The following GRIA1 variants were observed in gnomAD, a reference collection of about 807,000 sequenced individuals.
The protein encoded by GRIA1 is glutamate receptor 1.
Under a neutral mutation model 99.2 loss-of-function variants are expected in GRIA1, and 31 were observed. The ratio of observed to expected loss-of-function variants is 0.31; its 90% CI spans 0.23 to 0.42. The LOEUF (loss-of-function observed/expected upper bound fraction) is 0.42, where lower values mean the gene tolerates loss of function less well. Among genes scored for constraint, GRIA1 ranks in the 10% least tolerant of loss-of-function variants. The probability of loss-of-function intolerance (pLI) is 1.00; values close to 1 mark genes in which losing one functional copy is unlikely to be tolerated. For missense variants in GRIA1, 782 were observed against 1,157.5 expected (o/e 0.68, Z 4.71); for synonymous variants, 438 against 432.4 (o/e 1.01, Z -0.16).
intron 2 of GRIA1, among the ~76,000 whole-genome samples, chr5:153,536,865 T>C (rs972947805): frequency 1.3e-5 from 2 of 152,324 alleles, no homozygotes; most frequent in East Asian, 3.9e-4. Context: ...AGTGCCTTCG[T>C]TGAGACAGGT....
At chr5:153,701,130 A>G (rs1286753684) in intron 10 of GRIA1, among the ~76,000 whole-genome samples, 2 of 152,108 alleles carry the variant, frequency 1.3e-5, no homozygotes, top group Non-Finnish European at 2.9e-5. Flanking sequence ...ACCTCATGTA[A>G]TGTGGTTTGC....
chr5:153,632,466 A>C (rs1189644040), intron 2 of GRIA1, among the ~76,000 whole-genome samples: 2 of 152,172 alleles, frequency 1.3e-5, no homozygotes, highest in African/African-American at 2.4e-5. Flanking sequence ...TTTGATATTT[A>C]TTGGCTGTGC....
chr5:153,743,401 T>C (rs1172839320), intron 11 of GRIA1, among the ~76,000 whole-genome samples: 1 of 152,240 alleles, frequency 6.6e-6, no homozygotes. Context: ...GGAATCAAGA[T>C]GTCAGCCTGC....
Position 153,789,318 on chromosome 5 carries a change from C to CATATATATATATAT in GRIA1, c.2271-5298_2271-5285dup, listed in dbSNP as rs70978507. ...GATTCTAATACCTCTTTTGATATTA[C>CATATATATATATAT]ATATATATATATATATATCTCCTAC... On this transcript the variant is annotated intron_variant, in intron 13 of 15. Transcript: ENST00000285900. Among the ~76,000 whole-genome samples, 148 of 147,520 alleles carry CATATATATATATAT rather than the reference C, an allele frequency of 1.0e-3. 1 individual carries two copies. Among genetic ancestry groups the CATATATATATATAT allele is most frequent in the African/African-American group, 3.6e-3 (145 of 40,268 alleles).
intron 5 of GRIA1, among the ~76,000 whole-genome samples, chr5:153,662,024 C>A (rs1000051018): frequency 6.6e-6 from 1 of 152,214 alleles, no homozygotes; most frequent in African/African-American, 2.4e-5. Flanking sequence ...CAGGGCACGA[C>A]CTGTGTGCTG....
chr5:153,686,808 G>A (rs2149497689), intron 8 of GRIA1, among the ~76,000 whole-genome samples: 1 of 152,260 alleles, frequency 6.6e-6, no homozygotes, highest in Middle Eastern at 3.4e-3. Flanking sequence ...TGTATAATAT[G>A]TTTGCATATG....
Position 153,553,512 on chromosome 5 carries a change from C to T in GRIA1, c.220+59447C>T, listed in dbSNP as rs564750275. ...TGGGGTTTTATGTGCTGGTGTGCTTCGGGGGTCTTACATTACTTCTCCACT... is the reference window on the plus strand; with the variant it reads ...TGGGGTTTTATGTGCTGGTGTGCTTTGGGGGTCTTACATTACTTCTCCACT... On this transcript the variant is annotated intron_variant, in intron 2 of 15. Coordinates refer to ENST00000285900, the MANE Select transcript of GRIA1 (RefSeq NM_000827.4). Among the ~76,000 whole-genome samples the T allele has an allele frequency of 5.9e-5, 9 of 152,228 alleles. No homozygotes were observed. The South Asian group carries it at 8.3e-4, about 14-fold the overall frequency.
At chr5:153,716,096 A>G (rs1759648717) in intron 11 of GRIA1, among the ~76,000 whole-genome samples, 1 of 152,260 alleles carries the variant, frequency 6.6e-6, no homozygotes, top group Non-Finnish European at 1.5e-5. Context: ...TTTGCTGGAA[A>G]AATAGTAGCA....
chr5:153,674,467 T>C (rs1756421988), intron 5 of GRIA1, 33 bp from the exon 6 acceptor site: 2 of 1,612,400 alleles, frequency 1.2e-6, no homozygotes, highest in Admixed American at 1.7e-5. Context: ...CCAGGCAGCA[T>C]GTTCTAACTT....
intron 11 of GRIA1, among the ~76,000 whole-genome samples, chr5:153,714,010 T>G (rs999190409): frequency 1.3e-5 from 2 of 152,186 alleles, no homozygotes; most frequent in South Asian, 4.2e-4. Flanking sequence ...GTGATTAACA[T>G]GGCCATCCCA....
intron 3 of GRIA1, among the ~76,000 whole-genome samples, chr5:153,647,957 T>A (rs940450583): frequency 1.3e-5 from 2 of 152,188 alleles, no homozygotes; most frequent in Non-Finnish European, 2.9e-5. Flanking sequence ...CCAACTCCCG[T>A]GATGTTTGTC....
At chr5:153,517,712 A>G (rs1418526994) in intron 2 of GRIA1, among the ~76,000 whole-genome samples, 1 of 152,036 alleles carries the variant, frequency 6.6e-6, no homozygotes, top group Non-Finnish European at 1.5e-5. Context: ...ACTTTTTTCA[A>G]AAAAAATCTC....
At chr5:153,659,162 C>T (rs1242253350) in intron 5 of GRIA1, among the ~76,000 whole-genome samples, 1 of 152,140 alleles carries the variant, frequency 6.6e-6, no homozygotes, top group Non-Finnish European at 1.5e-5. Context: ...CCAAATGCAC[C>T]ATGCTTTAAA....
At chr5:153,749,769 G>A (rs1762391545) in intron 11 of GRIA1, among the ~76,000 whole-genome samples, 1 of 149,510 alleles carries the variant, frequency 6.7e-6, no homozygotes, top group Non-Finnish European at 1.5e-5. Flanking sequence ...ATGAATGAAT[G>A]AATAAATGAA....
At chr5:153,640,014 C>T (rs1753676229) in intron 2 of GRIA1, among the ~76,000 whole-genome samples, 1 of 152,234 alleles carries the variant, frequency 6.6e-6, no homozygotes, top group African/African-American at 2.4e-5. Flanking sequence ...TTTGCATTTA[C>T]TTCTCCACAA....
intron 2 of GRIA1, among the ~76,000 whole-genome samples, chr5:153,561,851 G>C (rs1224634745): frequency 6.6e-6 from 1 of 152,206 alleles, no homozygotes; most frequent in Non-Finnish European, 1.5e-5. Flanking sequence ...AGGGTAGTGT[G>C]AGGATAAATG....
intron 14 of GRIA1, among the ~76,000 whole-genome samples, chr5:153,797,923 T>C (rs1179430685): frequency 6.6e-6 from 1 of 152,174 alleles, no homozygotes; most frequent in Non-Finnish European, 1.5e-5. Flanking sequence ...AGCTCCTTTT[T>C]TGCATTCCCT....
At chr5:153,581,303 C>G (rs1763022947) in intron 2 of GRIA1, among the ~76,000 whole-genome samples, 1 of 152,226 alleles carries the variant, frequency 6.6e-6, no homozygotes, top group Admixed American at 6.5e-5. Flanking sequence ...TTTAAACATT[C>G]TATCATGGCT....
chr5:153,547,084 G>A (rs1249101859), intron 2 of GRIA1, among the ~76,000 whole-genome samples: 1 of 152,134 alleles, frequency 6.6e-6, no homozygotes, highest in Non-Finnish European at 1.5e-5. Flanking sequence ...TAACCCGTGG[G>A]CCTCAGGCCG....
Sources: allele counts gnomAD v4.1 joint callset (sites outside exome capture counted in the v4.1 genomes callset), GRCh38; gene constraint gnomAD v4.1.1; transcripts MANE v1.5; gene names NCBI Gene and HGNC (gene_info 2026-07-23, HGNC 2026-07-21).